Variants in AURKA observed in about 807,000 individuals in gnomAD.
The protein encoded by AURKA is aurora kinase A.
AURKA carries 12 observed loss-of-function variants against 40.9 expected under a neutral mutation model. The ratio of observed to expected loss-of-function variants is 0.29; its 90% confidence interval spans 0.19 to 0.48. The LOEUF (loss-of-function observed/expected upper bound fraction) is 0.48, where lower values mean the gene tolerates loss of function less well. AURKA is among the 20% of genes least tolerant of loss of function. The probability of loss-of-function intolerance (pLI) is 0.99; values close to 1 mark genes in which losing one functional copy is unlikely to be tolerated. For missense variants in AURKA, 322 were observed against 462.1 expected (o/e 0.70, Z 2.78); for synonymous variants, 170 against 164.3 (o/e 1.03, Z -0.26).
chr20:56,388,098 A>C, intron 2 of AURKA, 58 bp downstream of exon 2: 1 of 1,590,380 alleles, frequency 6.3e-7, no homozygotes, highest in Non-Finnish European at 8.6e-7. Context: ...ATTCCCGACA[A>C]GACCAACCTC....
At chr20:56,386,641 A>G in intron 2 of AURKA, 108 bp from the exon 3 acceptor site, 4 of 1,257,080 alleles carry the variant, frequency 3.2e-6, no homozygotes, top group Non-Finnish European at 3.4e-6. Context: ...AATGAATGTC[A>G]CTGATAAGAG....
chr20:56,382,837 G>C (rs1985894120), intron 5 of AURKA, 148 bp downstream of exon 5: 2 of 767,352 alleles, frequency 2.6e-6, no homozygotes, highest in African/African-American at 1.7e-5. Flanking sequence ...CATAGGGGAG[G>C]GGGAGGTGAG....
At chr20:56,379,620 G>C (rs1293943706) in intron 6 of AURKA, among the ~76,000 whole-genome samples, 5 of 152,142 alleles carry the variant, frequency 3.3e-5, no homozygotes, top group Admixed American at 2.6e-4. Flanking sequence ...TCTAGGACTG[G>C]AGCAGGAAAT....
chr20:56,369,964 TCA>T lies in AURKA; in HGVS notation c.*192_*193del. The T allele has an allele frequency of 1.4e-6, 1 of 713,292 alleles. No homozygotes were observed. Among genetic ancestry groups the T allele is most frequent in the Non-Finnish European group, 2.4e-6 (1 of 408,906 alleles). The allele number at this position is 713,292 out of a possible 1,614,324, so 44.2% of individuals were successfully genotyped here. On this transcript the variant is annotated 3_prime_UTR_variant, in exon 9 of 9. Coordinates refer to ENST00000395915, the MANE Select transcript of AURKA (RefSeq NM_198437.3). ...CACAATTCTCGTGGCTACTTTCACTTCAGAGTGTCATGTTTATTGATGTGGAG... is the reference window on the plus strand; with the variant it reads ...CACAATTCTCGTGGCTACTTTCACTTGAGTGTCATGTTTATTGATGTGGAG...
chr20:56,381,652 T>G (rs945837311), intron 5 of AURKA, 81 bp from the exon 6 acceptor site: 2 of 1,558,622 alleles, frequency 1.3e-6, no homozygotes, highest in East Asian at 2.3e-5. Flanking sequence ...AAACTCTTCA[T>G]GTAAAACCAG....
chr20:56,371,079 G>A (rs1318185644), intron 7 of AURKA, among the ~76,000 whole-genome samples: 1 of 152,184 alleles, frequency 6.6e-6, no homozygotes, highest in Non-Finnish European at 1.5e-5. Flanking sequence ...GCACTGGGGT[G>A]GAGATGTAGA....
chr20:56,370,243 TCTCTGAGCATTGGC>T lies in AURKA; in HGVS notation c.1113_1126del (p.Pro372SerfsTer3), dbSNP rs1569033658. 1 of 1,614,172 alleles carries T rather than the reference TCTCTGAGCATTGGC, an allele frequency of 6.2e-7. No individual in the cohort carries two copies. Among genetic ancestry groups the T allele is most frequent in the East Asian group, 2.2e-5 (1 of 44,888 alleles). ...TGTGATCCAGGGGTGTTCAAGTACT[TCTCTGAGCATTGGC>T]CTCTGGCTGGGATTATGCTTCAACA... On this transcript the variant is annotated frameshift_variant, in exon 9 of 9. Transcript: ENST00000395915. LOFTEE classifies it low-confidence loss of function (END_TRUNC).
intron 1 of AURKA, 95 bp from the exon 2 acceptor site, chr20:56,388,297 G>T (rs1986634247): frequency 9.3e-7 from 1 of 1,070,640 alleles, no homozygotes; most frequent in Non-Finnish European, 1.5e-6. Context: ...CAATCAAAAG[G>T]CCTCCACAAC....
At chr20:56,379,745 T>G (rs1985436672) in intron 6 of AURKA, among the ~76,000 whole-genome samples, 1 of 150,800 alleles carries the variant, frequency 6.6e-6, no homozygotes, top group Non-Finnish European at 1.5e-5. Context: ...GCAGATTACC[T>G]GAGGTCAGGG....
At chr20:56,377,239 T>TGTG (rs1463144073) in intron 6 of AURKA, among the ~76,000 whole-genome samples, 1 of 152,146 alleles carries the variant, frequency 6.6e-6, no homozygotes, top group Non-Finnish European at 1.5e-5. Context: ...ATCGCACCAC[T>TGTG]GCACCCCAGC....
chr20:56,391,239 G>A (rs1987073384), intron 1 of AURKA, among the ~76,000 whole-genome samples: 1 of 152,216 alleles, frequency 6.6e-6, no homozygotes, highest in Non-Finnish European at 1.5e-5. Context: ...AGGGAAGGAC[G>A]AACTGAGTAG....
At chr20:56,375,221 C>T (rs150840265) in intron 6 of AURKA, among the ~76,000 whole-genome samples, 3 of 152,098 alleles carry the variant, frequency 2.0e-5, no homozygotes, top group Non-Finnish European at 2.9e-5. Flanking sequence ...AACTCCTGGC[C>T]GTAAGCAATC....
intron 2 of AURKA, 68 bp downstream of exon 2, chr20:56,388,088 A>G: frequency 6.6e-7 from 1 of 1,521,584 alleles, no homozygotes; most frequent in East Asian, 2.2e-5. Context: ...GGCGGAAAGA[A>G]TTCCCGACAA....
Position 56,382,996 on chromosome 20 carries a change from C to T in AURKA, c.555G>A (p.Gln185=), listed in dbSNP as rs1569075520. 1.9e-6 allele frequency: 3 copies of T among 1,613,882 alleles called. No individual in the cohort carries two copies. Among genetic ancestry groups the T allele is most frequent in the African/African-American group, 2.7e-5 (2 of 74,940 alleles). The change falls in exon 5 of 9, where the codon CAG becomes CAA. Residue 185 remains glutamine, a synonymous_variant. Transcript: ENST00000395915. ...EHQLRREVEI[Q]SHLRHPNILR... ...ACCTGAAAACTCACCGAAGGTGGGA[C>T]TGTATTTCTACTTCTCTTCTGAGCT...
In AURKA at chr20:56,370,216, G is replaced by A. The variant is rs2146119377; in HGVS notation, c.1154C>T (p.Ala385Val). ...GCAATTTGATGGTTTTGATGAATTT[G>A]CTGTGATCCAGGGGTGTTCAAGTAC... ...REVLEHPWIT[A>V]NSSKPSNCQN... The change falls in exon 9 of 9, where the codon GCA becomes GTA. Residue 385 changes from alanine (A) to valine (V), a missense_variant. Transcript: ENST00000395915. The A allele has an allele frequency of 6.2e-7, 1 of 1,613,888 alleles. No homozygotes were observed. The highest frequency in any genetic ancestry group is 8.5e-7 in the Non-Finnish European group (1 of 1,180,000).
chr20:56,374,271 G>T (rs1984643420), intron 6 of AURKA, among the ~76,000 whole-genome samples: 1 of 152,144 alleles, frequency 6.6e-6, no homozygotes, highest in East Asian at 1.9e-4. Context: ...CAGCCAGGAA[G>T]TAAGACAGTG....
intron 2 of AURKA, among the ~76,000 whole-genome samples, chr20:56,387,446 C>G (rs1381145553): frequency 6.6e-6 from 1 of 152,194 alleles, no homozygotes; most frequent in African/African-American, 2.4e-5. Context: ...GCCACCGCGC[C>G]CAGCCTTGAA....
At chr20:56,372,905 T>C (rs751214331) in intron 7 of AURKA, among the ~76,000 whole-genome samples, 3 of 152,236 alleles carry the variant, frequency 2.0e-5, no homozygotes, top group Non-Finnish European at 4.4e-5. Context: ...ATCCCTACTA[T>C]TGACAGAGGC....
At position 56,381,434 on chromosome 20, in the gene AURKA, G is replaced by T. The variant is rs747256704; in HGVS notation, c.704C>A (p.Thr235Asn). 1.2e-6 allele frequency: 2 copies of T among 1,612,584 alleles called. No individual in the cohort carries two copies. The highest frequency in any genetic ancestry group is 1.7e-6 in the Non-Finnish European group (2 of 1,179,872). Residue 235 changes from threonine to asparagine, a missense_variant and splice_region_variant, in exon 6 of 9, where the codon ACT becomes AAT. Thr to Asn is a moderately conservative substitution (Grantham distance 65). Transcript: ENST00000395915. The stretch of plus-strand genomic sequence containing the variant: ...CCTGGACAATAAATGAACACTTACA[G>T]TAGCAGTTCTCTGCTCATCAAACTT... ...LSKFDEQRTATYITELANALS... is the reference protein window; with the variant it reads ...LSKFDEQRTANYITELANALS...
Sources: gnomAD v4.1 joint callset for allele counts (sites outside exome capture counted in the v4.1 genomes callset) on GRCh38, gnomAD v4.1.1 for gene constraint, MANE v1.5 for transcripts, NCBI Gene and HGNC (gene_info 2026-07-23, HGNC 2026-07-21) for gene names.